Variants in DCTN5 observed in about 807,000 individuals in gnomAD.
The protein encoded by DCTN5 is dynactin subunit 5, also known as dynactin 4.
A neutral mutation model predicts 23.5 loss-of-function variants in DCTN5; 14 were observed. The ratio of observed to expected loss-of-function variants is 0.60; its 90% CI spans 0.39 to 0.93. The LOEUF is 0.93. DCTN5 is among the 40% of genes least tolerant of loss of function. DCTN5 has a pLI of 0.00. For missense variants in DCTN5, 156 were observed against 225.9 expected, an observed-to-expected ratio of 0.69 and a Z score of 1.98; for synonymous variants, 67 against 79.6, an observed-to-expected ratio of 0.84 and a Z score of 0.84.
rs1264286916 is a variant in DCTN5, at chr16:23,672,591, G to C, written c.*5447G>C. 1 of 152,272 alleles carries C rather than the reference G, an allele frequency of 6.6e-6. No individual in the cohort carries two copies. The highest frequency in any genetic ancestry group is 2.1e-4 in the South Asian group (1 of 4,836). The allele number at this position is 152,272 out of a possible 1,614,324, so 9.4% of individuals were successfully genotyped here. ...CAGACAAACAAGGCCCAAGAGGCAA[G>C]TGTGCAGGTGGGTGTAGTTGGGAGT... is the stretch of plus-strand genomic sequence containing the variant. On this transcript the variant is annotated 3_prime_UTR_variant, in exon 6 of 6. Transcript: ENST00000300087.
chr16:23,654,730 G>A (rs1466512063), intron 2 of DCTN5, among the ~76,000 whole-genome samples: 4 of 152,072 alleles, frequency 2.6e-5, no homozygotes, highest in African/African-American at 9.7e-5. Flanking sequence ...CTGTATATTT[G>A]TGCCCATTAA....
rs80170362 is a variant in DCTN5, at chr16:23,658,177, G to C, written c.118-330G>C. ...TTGGTAAGCGAGCAGCCAAGGCTTG[G>C]GGGGCATGAGGACTTACCTGAGCAA... On this transcript the variant is annotated intron_variant, in intron 2 of 5. Transcript: ENST00000300087. Among the ~76,000 whole-genome samples the C allele has an allele frequency of 7.2e-5, 11 of 152,260 alleles. No homozygotes were observed. The East Asian group carries it at 2.1e-3, about 29-fold the overall frequency.
At chr16:23,644,674 G>A (rs1967386199) in intron 2 of DCTN5, among the ~76,000 whole-genome samples, 1 of 151,490 alleles carries the variant, frequency 6.6e-6, no homozygotes, top group Non-Finnish European at 1.5e-5. Context: ...CACCTCAGAT[G>A]ATCCATCCAC....
Position 23,674,490 on chromosome 16 carries a change from G to T in DCTN5, c.*7346G>T, listed in dbSNP as rs1233563108. On this transcript the variant is annotated 3_prime_UTR_variant, in exon 6 of 6. Transcript: ENST00000300087. ...CTTCTCTGGGGCTTCTCTCACTGCT[G>T]TTGACTTGTTGCATTCAGCTTTTGG... is the stretch of plus-strand genomic sequence containing the variant. 6.6e-6 allele frequency: 1 copy of T among 152,230 alleles called. No individual in the cohort carries two copies. The highest frequency in any genetic ancestry group is 1.5e-5 in the Non-Finnish European group (1 of 68,060). 9.4% of individuals were successfully genotyped at this position (152,230 alleles called of 1,614,324 possible).
At chr16:23,655,614 G>A (rs1967688511) in intron 2 of DCTN5, among the ~76,000 whole-genome samples, 1 of 151,138 alleles carries the variant, frequency 6.6e-6, no homozygotes, top group Non-Finnish European at 1.5e-5. Flanking sequence ...TGTGATCTCA[G>A]CTTACCGCAG....
At position 23,672,999 on chromosome 16, in the gene DCTN5, G is replaced by A. The variant is rs1968033659; in HGVS notation, c.*5855G>A. The A allele has an allele frequency of 6.6e-6, 1 of 152,118 alleles. No homozygotes were observed. The allele number at this position is 152,118 out of a possible 1,614,324, so 9.4% of individuals were successfully genotyped here. Reference sequence around the variant, plus strand: ...AAAAATTAGCCAGGCATGGTGGCGGGTGCCTGTATTCCCAGCTACTTGGGA... The same window carrying A: ...AAAAATTAGCCAGGCATGGTGGCGGATGCCTGTATTCCCAGCTACTTGGGA... On this transcript the variant is annotated 3_prime_UTR_variant, in exon 6 of 6. Coordinates refer to ENST00000300087, the MANE Select transcript of DCTN5 (RefSeq NM_032486.4).
chr16:23,657,250 G>A (rs1458955761), intron 2 of DCTN5, among the ~76,000 whole-genome samples: 1 of 152,170 alleles, frequency 6.6e-6, no homozygotes, highest in Non-Finnish European at 1.5e-5. Flanking sequence ...GAGCCTAGGG[G>A]TTCAAGACCA....
intron 2 of DCTN5, among the ~76,000 whole-genome samples, 179 bp downstream of exon 2, chr16:23,643,202 G>GT (rs1597109426): frequency 3.5e-5 from 5 of 144,038 alleles, no homozygotes; most frequent in East Asian, 4.0e-4. Context: ...TTTTTGTTTC[G>GT]GTTTTTTTTG....
intron 2 of DCTN5, among the ~76,000 whole-genome samples, chr16:23,643,915 TG>T (rs1967364952): frequency 6.6e-6 from 1 of 152,022 alleles, no homozygotes; most frequent in Non-Finnish European, 1.5e-5. Context: ...AGTTCACAGT[TG>T]TTTTCCTGCC....
chr16:23,643,689 T>C (rs1967359879), intron 2 of DCTN5, among the ~76,000 whole-genome samples: 1 of 152,046 alleles, frequency 6.6e-6, no homozygotes, highest in Admixed American at 6.6e-5. Flanking sequence ...ACTTATAAAA[T>C]TATCTCTTTA....
In DCTN5 at chr16:23,666,952, G is replaced by A. The variant is rs1967918013; in HGVS notation, c.452-95G>A. ...GATTATTTAAGTGATTGTCAGACAT[G>A]CATCTGATTGAGGTGAGAAGGATAT... On this transcript the variant is annotated intron_variant, in intron 5 of 5. Transcript: ENST00000300087. 4 of 1,544,064 alleles carry A rather than the reference G, an allele frequency of 2.6e-6. No homozygotes were observed. The East Asian group carries it at 9.4e-5, about 36-fold the overall frequency.
chr16:23,646,561 TC>T (rs1967463117), intron 2 of DCTN5, among the ~76,000 whole-genome samples: 1 of 152,028 alleles, frequency 6.6e-6, no homozygotes, highest in South Asian at 2.1e-4. Flanking sequence ...AGGTCATTGA[TC>T]CATTTTGAGT....
At chr16:23,645,556 C>T (rs557700399) in intron 2 of DCTN5, among the ~76,000 whole-genome samples, 1 of 152,298 alleles carries the variant, frequency 6.6e-6, no homozygotes, top group South Asian at 2.1e-4. Flanking sequence ...AATACACGCC[C>T]ATTCCCTACT....
At chr16:23,665,827 T>C (rs763229146) in intron 5 of DCTN5, 99 bp downstream of exon 5, 23 of 973,900 alleles carry the variant, frequency 2.4e-5, no homozygotes, top group Non-Finnish European at 3.3e-5. Context: ...TCTGGCAATA[T>C]GTTGATAGAG....
At chr16:23,645,086 T>C (rs1232357932) in intron 2 of DCTN5, among the ~76,000 whole-genome samples, 3 of 10,280 alleles carry the variant, frequency 2.9e-4, no homozygotes, top group Non-Finnish European at 4.6e-4. Flanking sequence ...AGCCTAACTA[T>C]ATATATATAT....
chr16:23,649,531 A>C (rs1331766001), intron 2 of DCTN5, among the ~76,000 whole-genome samples: 1 of 152,078 alleles, frequency 6.6e-6, no homozygotes, highest in African/African-American at 2.4e-5. Context: ...CCAGGCCTTC[A>C]TTTAGGTCTT....
chr16:23,653,522 C>T (rs1314680537), intron 2 of DCTN5, among the ~76,000 whole-genome samples: 1 of 152,130 alleles, frequency 6.6e-6, no homozygotes, highest in African/African-American at 2.4e-5. Flanking sequence ...AAACTGGACC[C>T]CTTCCTTATA....
At chr16:23,645,322 T>A (rs961276513) in intron 2 of DCTN5, among the ~76,000 whole-genome samples, 43 of 149,608 alleles carry the variant, frequency 2.9e-4, no homozygotes, top group African/African-American at 1.0e-3. Context: ...GCGGGGTTTC[T>A]CCATGTTGAT....
Position 23,668,284 on chromosome 16 carries a change from G to A in DCTN5, c.*1140G>A, listed in dbSNP as rs1266820746. On this transcript the variant is annotated 3_prime_UTR_variant, in exon 6 of 6. Coordinates refer to ENST00000300087, the MANE Select transcript of DCTN5 (RefSeq NM_032486.4). ...TCAGCCTTGAGGTTAGAATTTAGCA[G>A]GAGCTATCCTGACTTAATATCCAGT... is the stretch of plus-strand genomic sequence containing the variant. 2 of 152,234 alleles carry A rather than the reference G, an allele frequency of 1.3e-5. No individual in the cohort carries two copies. Among genetic ancestry groups the A allele is most frequent in the Non-Finnish European group, 2.9e-5 (2 of 68,044 alleles). 9.4% of individuals were successfully genotyped at this position (152,234 alleles called of 1,614,324 possible).
Sources: allele counts gnomAD v4.1 joint callset (sites outside exome capture counted in the v4.1 genomes callset), GRCh38; gene constraint gnomAD v4.1.1; transcripts MANE v1.5; gene names NCBI Gene and HGNC (gene_info 2026-07-23, HGNC 2026-07-21).